Variants in PPP3CB observed in about 807,000 individuals in gnomAD.
The protein encoded by PPP3CB is protein phosphatase 3 catalytic subunit beta, also known as serine/threonine-protein phosphatase 2B catalytic subunit beta isoform.
In PPP3CB, 8 loss-of-function variants were observed where a neutral mutation model predicts 66.4. The ratio of observed to expected loss-of-function variants is 0.12; its 90% CI spans 0.07 to 0.22. The LOEUF (loss-of-function observed/expected upper bound fraction) is 0.22. PPP3CB is among the 10% of genes least tolerant of loss of function. The pLI, the probability that PPP3CB is intolerant of heterozygous loss-of-function variation, is 1.00. For missense variants in PPP3CB, 319 were observed against 642.5 expected (o/e 0.50, Z 5.44); for synonymous variants, 208 against 221.2 (o/e 0.94, Z 0.53).
chr10:73,484,105 T>C (rs1214010330), intron 1 of PPP3CB, among the ~76,000 whole-genome samples: 2 of 151,958 alleles, frequency 1.3e-5, no homozygotes, highest in Non-Finnish European at 2.9e-5. Context: ...ATCGTGCCAC[T>C]GAACTCTAGC....
At chr10:73,438,828 G>A (rs2056104315) in intron 13 of PPP3CB, among the ~76,000 whole-genome samples, 1 of 152,142 alleles carries the variant, frequency 6.6e-6, no homozygotes, top group Non-Finnish European at 1.5e-5. Context: ...GGCAAGTGAG[G>A]AGGCTAAACA....
chr10:73,446,050 C>T (rs2056244850), intron 11 of PPP3CB, among the ~76,000 whole-genome samples: 2 of 151,720 alleles, frequency 1.3e-5, no homozygotes, highest in South Asian at 4.2e-4. Flanking sequence ...CCTGGCCAGG[C>T]CTAAGTAACT....
At chr10:73,477,364 A>G (rs1481736397) in intron 3 of PPP3CB, among the ~76,000 whole-genome samples, 3 of 152,176 alleles carry the variant, frequency 2.0e-5, no homozygotes, top group Non-Finnish European at 4.4e-5. Flanking sequence ...TTGTAAAGAA[A>G]AAAACTGGGA....
intron 9 of PPP3CB, among the ~76,000 whole-genome samples, chr10:73,465,901 C>T (rs1437554413): frequency 6.6e-6 from 1 of 152,144 alleles, no homozygotes; most frequent in Non-Finnish European, 1.5e-5. Flanking sequence ...ATGTTAAAAT[C>T]TGAGCTTTAC....
At chr10:73,440,976 C>A (rs1173036467) in intron 12 of PPP3CB, among the ~76,000 whole-genome samples, 1 of 152,178 alleles carries the variant, frequency 6.6e-6, no homozygotes, top group Non-Finnish European at 1.5e-5. Flanking sequence ...AGATAGCACA[C>A]AACAATACTG....
intron 4 of PPP3CB, among the ~76,000 whole-genome samples, chr10:73,471,945 T>C (rs111566196): frequency 0.044 from 6,625 of 152,264 alleles, 446 homozygotes; most frequent in African/African-American, 0.14. Context: ...GGCAACTCTA[T>C]GCAGTGTCAA....
intron 10 of PPP3CB, among the ~76,000 whole-genome samples, chr10:73,450,452 T>C (rs2132809261): frequency 6.6e-6 from 1 of 152,326 alleles, no homozygotes; most frequent in Non-Finnish European, 1.5e-5. Context: ...TCTATCCGAA[T>C]CTCCTCCTCT....
At chr10:73,479,182 A>T in intron 2 of PPP3CB, 135 bp downstream of exon 2, 2 of 846,116 alleles carry the variant, frequency 2.4e-6, no homozygotes, top group Non-Finnish European at 3.7e-6. Flanking sequence ...AAGTATGGAA[A>T]ATAATTTGAA....
At chr10:73,454,965 C>A (rs1479516516) in intron 9 of PPP3CB, among the ~76,000 whole-genome samples, 1 of 151,910 alleles carries the variant, frequency 6.6e-6, no homozygotes, top group African/African-American at 2.4e-5. Flanking sequence ...CTCTGCCTCC[C>A]AGGTTCAAGA....
chr10:73,489,408 C>CAATAATAATAATAATAAT (rs10524475), intron 1 of PPP3CB, among the ~76,000 whole-genome samples: 6,800 of 149,852 alleles, frequency 0.045, 279 homozygotes, highest in East Asian at 0.16. Flanking sequence ...TTAAAACCTT[C>CAATAATAATAATAATAAT]AATAATAATA....
intron 8 of PPP3CB, among the ~76,000 whole-genome samples, chr10:73,470,277 G>C (rs1416141526): frequency 6.6e-6 from 1 of 152,132 alleles, no homozygotes; most frequent in Non-Finnish European, 1.5e-5. Context: ...AGAGAACCTA[G>C]ATCAGTGAAC....
chr10:73,495,245 C>T (rs558715113), intron 1 of PPP3CB, among the ~76,000 whole-genome samples: 1 of 152,198 alleles, frequency 6.6e-6, no homozygotes, highest in Non-Finnish European at 1.5e-5. Context: ...CACCGTGATC[C>T]AATCCCACAA....
intron 10 of PPP3CB, among the ~76,000 whole-genome samples, chr10:73,450,407 G>C (rs1400979136): frequency 6.6e-6 from 1 of 151,480 alleles, no homozygotes; most frequent in African/African-American, 2.4e-5. Flanking sequence ...CCTATTTCCA[G>C]TAGCTCTTTC....
chr10:73,462,714 T>C (rs879555375), intron 9 of PPP3CB, among the ~76,000 whole-genome samples: 2 of 150,432 alleles, frequency 1.3e-5, no homozygotes, highest in Non-Finnish European at 3.0e-5. Context: ...CTTTGGGAGG[T>C]TGAGGTGGGC....
intron 1 of PPP3CB, among the ~76,000 whole-genome samples, chr10:73,482,519 G>T (rs868470071): frequency 3.6e-5 from 5 of 139,166 alleles, no homozygotes; most frequent in Non-Finnish European, 7.7e-5. Context: ...CTCCAGCCTG[G>T]GCGACAGAGC....
At position 73,437,458 on chromosome 10, in the gene PPP3CB, T is replaced by G. The variant is rs2056086584; in HGVS notation, c.*784A>C. ...TTACAGACATGATTTGAATTAAAATTTACTTTGACAATGTACAAACTTCTT... is the reference window on the plus strand; with the variant it reads ...TTACAGACATGATTTGAATTAAAATGTACTTTGACAATGTACAAACTTCTT... On this transcript the variant is annotated 3_prime_UTR_variant, in exon 14 of 14. Transcript: ENST00000360663. 6.6e-6 allele frequency: 1 copy of G among 152,668 alleles called. No individual in the cohort carries two copies. The highest frequency in any genetic ancestry group is 2.1e-4 in the South Asian group (1 of 4,834). 9.5% of individuals were successfully genotyped at this position (152,668 alleles called of 1,614,324 possible).
chr10:73,477,504 G>A (rs926757005), intron 3 of PPP3CB, among the ~76,000 whole-genome samples: 6 of 152,124 alleles, frequency 3.9e-5, no homozygotes, highest in Admixed American at 3.9e-4. Flanking sequence ...GTGTAGGCAT[G>A]TATGAAAAAG....
Position 73,495,796 on chromosome 10 carries a change from A to G in PPP3CB, c.85+9T>C. ...AGGCCAGGCCCCCAGGGTTTCGTCCACCTCTCACCTTTGACGACGCGGTCA... is the reference window on the plus strand; with the variant it reads ...AGGCCAGGCCCCCAGGGTTTCGTCCGCCTCTCACCTTTGACGACGCGGTCA... On this transcript the variant is annotated intron_variant, in intron 1 of 13. Coordinates refer to ENST00000360663, the MANE Select transcript of PPP3CB (RefSeq NM_021132.4). 1.3e-6 allele frequency: 2 copies of G among 1,531,016 alleles called. No homozygotes were observed. Among genetic ancestry groups the G allele is most frequent in the Admixed American group, 1.8e-5 (1 of 55,058 alleles). 94.8% of individuals were successfully genotyped at this position (1,531,016 alleles called of 1,614,324 possible). A position where few individuals can be genotyped will look rare whatever the true frequency, so the allele number is the denominator to read the frequency against.
chr10:73,476,350 C>G (rs1217283255), intron 3 of PPP3CB, among the ~76,000 whole-genome samples: 2 of 152,174 alleles, frequency 1.3e-5, no homozygotes, highest in African/African-American at 4.8e-5. Flanking sequence ...GGCGCAGTGG[C>G]TCACGCCTGT....
Sources: allele counts gnomAD v4.1 joint callset (sites outside exome capture counted in the v4.1 genomes callset), GRCh38; gene constraint gnomAD v4.1.1; transcripts MANE v1.5; gene names NCBI Gene and HGNC (gene_info 2026-07-23, HGNC 2026-07-21).